ATAD2: variants seen among roughly 807,000 people sequenced by gnomAD.
The protein encoded by ATAD2 is ATPase family AAA domain containing 2.
In ATAD2, 62 loss-of-function variants were observed where a neutral mutation model predicts 168.9. That is an observed-to-expected ratio of 0.37 (90% confidence interval 0.30 to 0.45). The LOEUF is 0.45. Ranked by LOEUF, ATAD2 falls within the 20% of genes least tolerant of loss-of-function variation. ATAD2 has a pLI of 1.00. For synonymous variants in ATAD2, 613 were observed against 571.6 expected, an observed-to-expected ratio of 1.07 and a Z score of -1.03; for missense variants, 1,419 against 1,667.8, an observed-to-expected ratio of 0.85 and a Z score of 2.60.
chr8:123,350,601 G>A (rs1401483025), intron 13 of ATAD2, among the ~76,000 whole-genome samples: 3 of 152,070 alleles, frequency 2.0e-5, no homozygotes, highest in Admixed American at 6.6e-5. Context: ...AAACTGGGTC[G>A]TTTGGCTTGT....
At chr8:123,358,485 C>A (rs1411471152) in intron 11 of ATAD2, among the ~76,000 whole-genome samples, 1 of 151,904 alleles carries the variant, frequency 6.6e-6, no homozygotes, top group Non-Finnish European at 1.5e-5. Context: ...GCTGGGACAA[C>A]AGGTGCCCGC....
intron 6 of ATAD2, 83 bp from the exon 7 acceptor site, chr8:123,370,107 G>C: frequency 8.7e-7 from 1 of 1,155,926 alleles, no homozygotes; most frequent in Non-Finnish European, 1.2e-6. Flanking sequence ...GGGAGAGAAA[G>C]ATCCACCCTT....
At chr8:123,412,788 G>A (rs966047528) in intron 1 of ATAD2, among the ~76,000 whole-genome samples, 3 of 152,020 alleles carry the variant, frequency 2.0e-5, no homozygotes, top group Admixed American at 6.6e-5. Context: ...AGCACAACTT[G>A]GTTCCAAATC....
At chr8:123,353,855 C>G (rs941755711) in intron 13 of ATAD2, among the ~76,000 whole-genome samples, 1 of 151,988 alleles carries the variant, frequency 6.6e-6, no homozygotes, top group South Asian at 2.1e-4. Flanking sequence ...GGTTTCAGGT[C>G]AAGTGGGTGG....
intron 14 of ATAD2, 70 bp downstream of exon 14, chr8:123,349,215 C>T (rs1192334322): frequency 2.1e-6 from 3 of 1,457,104 alleles, no homozygotes; most frequent in Admixed American, 4.5e-5. Flanking sequence ...CAAATTTTTA[C>T]TATACCAAGA....
At chr8:123,336,080 C>CA (rs1827905484) in intron 22 of ATAD2, among the ~76,000 whole-genome samples, 1 of 152,066 alleles carries the variant, frequency 6.6e-6, no homozygotes, top group African/African-American at 2.4e-5. Flanking sequence ...ACAAAGTATA[C>CA]AAGCCATTTT....
At chr8:123,384,659 G>T (rs917395658) in intron 1 of ATAD2, among the ~76,000 whole-genome samples, 8 of 152,328 alleles carry the variant, frequency 5.3e-5, no homozygotes, top group African/African-American at 1.7e-4. Flanking sequence ...ACTGTCTTTA[G>T]CAATAACTAT....
At chr8:123,353,678 C>A (rs1021482940) in intron 13 of ATAD2, among the ~76,000 whole-genome samples, 2 of 152,058 alleles carry the variant, frequency 1.3e-5, no homozygotes, top group Non-Finnish European at 2.9e-5. Context: ...TATTTAGAGA[C>A]CACACTCAGG....
intron 1 of ATAD2, among the ~76,000 whole-genome samples, chr8:123,414,495 G>A (rs762060094): frequency 3.6e-4 from 55 of 152,166 alleles, no homozygotes; most frequent in Non-Finnish European, 3.2e-4. Flanking sequence ...ACGGTGGTGC[G>A]TGCCTGCAGT....
intron 11 of ATAD2, among the ~76,000 whole-genome samples, chr8:123,358,234 G>A (rs927918372): frequency 5.3e-5 from 8 of 152,108 alleles, no homozygotes; most frequent in Admixed American, 2.0e-4. Flanking sequence ...AGGCTGGAGC[G>A]CAGTGGCATG....
chr8:123,377,333 A>G (rs537976299), intron 2 of ATAD2, among the ~76,000 whole-genome samples: 26 of 152,196 alleles, frequency 1.7e-4, no homozygotes, highest in Non-Finnish European at 3.7e-4. Context: ...TAATCTAATT[A>G]AAAATACCAA....
chr8:123,351,100 C>T (rs972998960), intron 13 of ATAD2, among the ~76,000 whole-genome samples: 1 of 151,996 alleles, frequency 6.6e-6, no homozygotes, highest in Non-Finnish European at 1.5e-5. Context: ...CAGGAAGATA[C>T]CACGTAATTC....
At chr8:123,321,285 T>A in intron 27 of ATAD2, 110 bp from the exon 28 acceptor site, 1 of 919,746 alleles carries the variant, frequency 1.1e-6, no homozygotes, top group South Asian at 1.7e-5. Flanking sequence ...TATTCAGGTA[T>A]ATATTTGATA....
Position 123,339,971 on chromosome 8 carries a change from C to A in ATAD2, c.2719-525G>T, listed in dbSNP as rs191827084. Among the ~76,000 whole-genome samples the A allele has an allele frequency of 4.6e-3, 707 of 152,154 alleles. 5 individuals carry two copies. The highest frequency in any genetic ancestry group is 7.6e-3 in the Non-Finnish European group (519 of 67,986). On this transcript the variant is annotated intron_variant, in intron 19 of 27. Coordinates refer to ENST00000287394, the MANE Select transcript of ATAD2 (RefSeq NM_014109.4). ...GCAGTGGCACAATCATAGCTCACTG[C>A]AACCTCAGACTGGGCTCAAGCAATC... is the stretch of plus-strand genomic sequence containing the variant.
intron 1 of ATAD2, among the ~76,000 whole-genome samples, chr8:123,384,559 T>C (rs1829591866): frequency 6.6e-6 from 1 of 152,210 alleles, no homozygotes; most frequent in Non-Finnish European, 1.5e-5. Flanking sequence ...CCCTTTGCAG[T>C]GCAGTGCCTC....
rs564381147 is a variant in ATAD2, at chr8:123,402,082, G to A, written c.-2281-907C>T. The A allele has an allele frequency of 4.5e-5, 59 of 1,301,010 alleles. No individual in the cohort carries two copies. The African/African-American group carries it at 8.1e-4, about 18-fold the overall frequency. The allele number at this position is 1,301,010 out of a possible 1,614,324, so 80.6% of individuals were successfully genotyped here. On this transcript the variant is annotated intron_variant, in intron 1 of 28. Transcript: ENST00000521903. The surrounding 1 kb of genome is among the most constrained non-coding windows in gnomAD (Gnocchi z 4.8). The stretch of plus-strand genomic sequence containing the variant: ...AGATTGAGGGTGGCGTCCATGGCCT[G>A]CACTCTTAGGAGAAGCGGCTGTACT...
chr8:123,323,963 G>A (rs1427892625), intron 26 of ATAD2, among the ~76,000 whole-genome samples: 1 of 152,128 alleles, frequency 6.6e-6, no homozygotes. Context: ...GAACAAAGCT[G>A]TAAAATTTAT....
At chr8:123,401,409 C>A, upstream of ATAD2, 1 of 1,378,292 alleles carries the variant, frequency 7.3e-7, no homozygotes, top group Non-Finnish European at 1.0e-6. Context: ...CCGAAGGGAA[C>A]TTGCTGTATC....
intron 13 of ATAD2, among the ~76,000 whole-genome samples, chr8:123,351,523 G>A (rs1563844890): frequency 6.6e-6 from 1 of 152,054 alleles, no homozygotes; most frequent in Admixed American, 6.6e-5. Context: ...CTGCAAAATG[G>A]TGACTTTCTG....
Sources: gnomAD v4.1 joint callset for allele counts (sites outside exome capture counted in the v4.1 genomes callset) on GRCh38, gnomAD v4.1.1 for gene constraint, Gnocchi (gnomAD v3.1) non-coding constraint, MANE v1.5 for transcripts, NCBI Gene and HGNC (gene_info 2026-07-23, HGNC 2026-07-21) for gene names.